PRELID2: variants seen among roughly 807,000 people sequenced by gnomAD.
The protein encoded by PRELID2 is PRELI domain-containing protein 2.
Under a neutral mutation model 28.4 loss-of-function variants are expected in PRELID2, and 25 were observed. The ratio of observed to expected loss-of-function variants is 0.88; its 90% CI spans 0.64 to 1.23. PRELID2 has a LOEUF of 1.23. Among genes scored for constraint, PRELID2 ranks in the 50% most tolerant of loss-of-function variants. The probability of loss-of-function intolerance (pLI) is 0.00; values close to 1 mark genes in which losing one functional copy is unlikely to be tolerated. For missense variants in PRELID2, 201 were observed against 214.4 expected (o/e 0.94, Z 0.39); for synonymous variants, 76 against 71.6 (o/e 1.06, Z -0.31).
chr5:145,689,667 G>A (rs1755105600), intron 1 of PRELID2, among the ~76,000 whole-genome samples: 1 of 152,164 alleles, frequency 6.6e-6, no homozygotes, highest in Non-Finnish European at 1.5e-5. Context: ...ATGGATTTAA[G>A]CAAGCTCCAG....
the PRELID2 span, among the ~76,000 whole-genome samples, chr5:145,254,916 T>TAA: frequency 1.4e-5 from 2 of 138,844 alleles, no homozygotes; most frequent in South Asian, 2.4e-4. Flanking sequence ...AACTCTGAAT[T>TAA]AAAAAAAAAA....
intron 1 of PRELID2, among the ~76,000 whole-genome samples, chr5:145,579,006 G>T (rs1039865646): frequency 1.3e-5 from 2 of 152,018 alleles, no homozygotes; most frequent in Non-Finnish European, 2.9e-5. Flanking sequence ...CTGGGTTCTA[G>T]CTCTGTCCTG....
At chr5:145,628,277 T>C (rs1022903529) in intron 1 of PRELID2, among the ~76,000 whole-genome samples, 2 of 152,198 alleles carry the variant, frequency 1.3e-5, no homozygotes, top group East Asian at 1.9e-4. Context: ...GTTTTCATTA[T>C]TGAATGCTTT....
intron 1 of PRELID2, among the ~76,000 whole-genome samples, chr5:145,584,925 C>T (rs1006282134): frequency 6.6e-6 from 1 of 152,032 alleles, no homozygotes; most frequent in African/African-American, 2.4e-5. Context: ...CTAAGCAATC[C>T]CATTACTGGA....
intron 1 of PRELID2, among the ~76,000 whole-genome samples, chr5:145,526,182 C>T (rs899460840): frequency 2.0e-5 from 3 of 152,146 alleles, no homozygotes; most frequent in Non-Finnish European, 2.9e-5. Flanking sequence ...ATGACAAAGT[C>T]CTTATTATTA....
chr5:145,234,025 C>G, the PRELID2 span, among the ~76,000 whole-genome samples: 154 of 152,046 alleles, frequency 1.0e-3, no homozygotes, highest in Non-Finnish European at 1.6e-3. Context: ...AATAGACACC[C>G]TTATTTGAAT....
chr5:145,412,721 G>A, the PRELID2 span, among the ~76,000 whole-genome samples: 1 of 152,108 alleles, frequency 6.6e-6, no homozygotes, highest in Non-Finnish European at 1.5e-5. Context: ...CCAATTTACT[G>A]CATTAGTTTG....
At chr5:145,552,552 C>G (rs1000319621) in intron 1 of PRELID2, among the ~76,000 whole-genome samples, 3 of 151,986 alleles carry the variant, frequency 2.0e-5, no homozygotes, top group African/African-American at 7.2e-5. Context: ...TTTGAATGAG[C>G]AAGCCTCGGG....
intron 1 of PRELID2, among the ~76,000 whole-genome samples, chr5:145,579,226 T>C (rs1405484913): frequency 6.6e-6 from 1 of 152,098 alleles, no homozygotes; most frequent in Non-Finnish European, 1.5e-5. Context: ...ATGATTATTA[T>C]GCATAAAATC....
At chr5:145,418,604 T>C in the PRELID2 span, among the ~76,000 whole-genome samples, 1 of 152,110 alleles carries the variant, frequency 6.6e-6, no homozygotes, top group Non-Finnish European at 1.5e-5. Flanking sequence ...ACAACCATCT[T>C]ATCTTCCACA....
chr5:145,752,757 A>T (rs192647957), downstream of PRELID2, among the ~76,000 whole-genome samples: 591 of 152,214 alleles, frequency 3.9e-3, 1 homozygote, highest in Non-Finnish European at 7.1e-3. Flanking sequence ...TCATTCATTA[A>T]ACCCTTCCTG....
At chr5:145,698,255 T>C (rs1394579070) in intron 1 of PRELID2, among the ~76,000 whole-genome samples, 1 of 152,210 alleles carries the variant, frequency 6.6e-6, no homozygotes, top group Admixed American at 6.5e-5. Flanking sequence ...TGGTTATTTG[T>C]CAGGTACCAA....
intron 1 of PRELID2, among the ~76,000 whole-genome samples, chr5:145,633,529 G>GA (rs1449745288): frequency 6.6e-6 from 1 of 152,204 alleles, no homozygotes; most frequent in Non-Finnish European, 1.5e-5. Flanking sequence ...TCAGGACCAA[G>GA]AAAAGCAGCT....
intron 5 of PRELID2, among the ~76,000 whole-genome samples, chr5:145,790,479 G>A (rs1310287401): frequency 6.6e-6 from 1 of 151,960 alleles, no homozygotes; most frequent in African/African-American, 2.4e-5. Context: ...GGCTGGGGGA[G>A]GTGCGAGAGA....
chr5:145,717,914 G>T (rs1376495613), intron 1 of PRELID2, among the ~76,000 whole-genome samples: 1 of 151,674 alleles, frequency 6.6e-6, no homozygotes, highest in Non-Finnish European at 1.5e-5. Flanking sequence ...CTTCTCCATG[G>T]TAAGAATAAC....
At chr5:145,382,734 TGG>T in the PRELID2 span, among the ~76,000 whole-genome samples, 1 of 152,008 alleles carries the variant, frequency 6.6e-6, no homozygotes. Flanking sequence ...CTTATGAGGC[TGG>T]TCTAGTGGCA....
Position 145,796,527 on chromosome 5 carries a change from C to T in PRELID2, c.389G>A (p.Gly130Asp), listed in dbSNP as rs1752761240. 1 of 1,606,584 alleles carries T rather than the reference C, an allele frequency of 6.2e-7. No homozygotes were observed. ...TCCAACCCCTGTGATTGAAATCCTG[C>T]CTCTTTGAATGAACTCTGTCCTGCA... ...NPNWTEFIQR[G>D]RISITGVGFL... is the part of the protein sequence containing the mutation. The change falls in exon 5 of 7, where the codon GGC (glycine) becomes GAC (aspartate). Residue 130 changes from glycine to aspartate, a missense_variant. Physicochemically the swap from Gly to Asp is moderately conservative, Grantham distance 94. Coordinates refer to ENST00000683046, the MANE Select transcript of PRELID2 (RefSeq NM_205846.3).
At chr5:145,754,719 A>C (rs985337272), downstream of PRELID2, among the ~76,000 whole-genome samples, 1 of 152,222 alleles carries the variant, frequency 6.6e-6, no homozygotes, top group Non-Finnish European at 1.5e-5. Context: ...TTGATGTCTT[A>C]CAATTCTGCA....
At chr5:145,293,626 C>T in the PRELID2 span, among the ~76,000 whole-genome samples, 1 of 151,996 alleles carries the variant, frequency 6.6e-6, no homozygotes, top group African/African-American at 2.4e-5. Context: ...GTTGAATATG[C>T]GTAGATATTA....
Sources: gnomAD v4.1 joint callset for allele counts (sites outside exome capture counted in the v4.1 genomes callset) on GRCh38, gnomAD v4.1.1 for gene constraint, MANE v1.5 for transcripts, NCBI Gene and HGNC (gene_info 2026-07-23, HGNC 2026-07-21) for gene names.